Variants in ROR1 observed in about 807,000 individuals in gnomAD.
ROR1 encodes the protein inactive tyrosine-protein kinase transmembrane receptor ROR1.
ROR1 carries 19 observed loss-of-function variants against 78.8 expected under a neutral mutation model. The ratio of observed to expected loss-of-function variants is 0.24; its 90% CI spans 0.17 to 0.35. The LOEUF (loss-of-function observed/expected upper bound fraction) is 0.35. ROR1 is among the 10% of genes least tolerant of loss of function. The pLI is 1.00. For synonymous variants in ROR1, 386 were observed against 433.6 expected (o/e 0.89, Z 1.36); for missense variants, 917 against 1,177.8 (o/e 0.78, Z 3.24).
In ROR1 at chr1:63,910,841, AG is replaced by A. The variant is rs1336855673; in HGVS notation, c.92-98463del. Among the ~76,000 whole-genome samples the A allele has an allele frequency of 1.3e-5, 2 of 152,226 alleles. 1 individual carries two copies. Among genetic ancestry groups the A allele is most frequent in the Non-Finnish European group, 2.9e-5 (2 of 68,048 alleles). On this transcript the variant is annotated intron_variant, in intron 1 of 8. Coordinates refer to ENST00000371079, the MANE Select transcript of ROR1 (RefSeq NM_005012.4). ...TTCAGAACAACAAGGACGTGCATCC[AG>A]CCTTTGTAGTGCAGTGGGTTGAAGA... is the stretch of plus-strand genomic sequence containing the variant.
chr1:63,774,552 C>CCGTG lies in ROR1; in HGVS notation c.91+45_91+48dup. The CCGTG allele has an allele frequency of 1.0e-6, 1 of 990,798 alleles. No homozygotes were observed. Among genetic ancestry groups the CCGTG allele is most frequent in the Non-Finnish European group, 1.2e-6 (1 of 816,816 alleles). The allele number at this position is 990,798 out of a possible 1,614,324, so 61.4% of individuals were successfully genotyped here. On this transcript the variant is annotated intron_variant, in intron 1 of 8. Coordinates refer to ENST00000371079, the MANE Select transcript of ROR1 (RefSeq NM_005012.4). This position sits in a 1 kb window ranked among gnomAD's most constrained non-coding sequence, Gnocchi z 5.7. ...CCCCCGCCCGCCCAGACCCCCTGAC[C>CCGTG]CGTGGCCACCCTTCCGCCGTCCAGC...
intron 1 of ROR1, among the ~76,000 whole-genome samples, chr1:63,858,622 T>G (rs916690110): frequency 5.9e-5 from 9 of 152,222 alleles, no homozygotes; most frequent in African/African-American, 2.2e-4. Flanking sequence ...TACTTTGTAT[T>G]TAAATCTGAT....
intron 1 of ROR1, among the ~76,000 whole-genome samples, chr1:63,818,050 A>T (rs1644902801): frequency 6.6e-6 from 1 of 152,158 alleles, no homozygotes; most frequent in Non-Finnish European, 1.5e-5. Flanking sequence ...ACCCTGTGAG[A>T]TACGTATTAT....
At chr1:63,994,415 T>C (rs1420607380) in intron 1 of ROR1, among the ~76,000 whole-genome samples, 2 of 152,172 alleles carry the variant, frequency 1.3e-5, no homozygotes, top group Non-Finnish European at 2.9e-5. Context: ...TGCTTAGCCT[T>C]CCAATAATGG....
At chr1:63,992,609 A>G (rs1421728704) in intron 1 of ROR1, among the ~76,000 whole-genome samples, 2 of 152,202 alleles carry the variant, frequency 1.3e-5, no homozygotes, top group African/African-American at 4.8e-5. Flanking sequence ...GGTAGTTTAA[A>G]CAGAAGCCAC....
intron 4 of ROR1, among the ~76,000 whole-genome samples, chr1:64,081,790 A>T: frequency 6.6e-6 from 1 of 151,494 alleles, no homozygotes; most frequent in Non-Finnish European, 1.5e-5. Context: ...AAAAGCGGCA[A>T]AATATAACAC....
At chr1:64,130,361 T>C (rs907077428) in intron 4 of ROR1, among the ~76,000 whole-genome samples, 1 of 152,138 alleles carries the variant, frequency 6.6e-6, no homozygotes, top group Non-Finnish European at 1.5e-5. Context: ...GACCGGTCTT[T>C]AGAAAGCAGA....
At position 63,774,984 on chromosome 1, in the gene ROR1, G is replaced by A. The variant is rs561996886; in HGVS notation, c.91+476G>A. Among the ~76,000 whole-genome samples, 31 of 152,184 alleles carry A rather than the reference G, an allele frequency of 2.0e-4. No homozygotes were observed. Among genetic ancestry groups the A allele is most frequent in the African/African-American group, 7.5e-4 (31 of 41,538 alleles). On this transcript the variant is annotated intron_variant, in intron 1 of 8. Coordinates refer to ENST00000371079, the MANE Select transcript of ROR1 (RefSeq NM_005012.4). This position sits in a 1 kb window ranked among gnomAD's most constrained non-coding sequence, Gnocchi z 5.7. ...GCTCGCCAGAGCCCAGGCGGCTCGC[G>A]GATCGACGCAAACAAAAGCCCTGTC... is the stretch of plus-strand genomic sequence containing the variant.
rs559097293 is a variant in ROR1, at chr1:63,928,064, G to C, written c.92-81241G>C. ...TGAGTACCTGCATCCTTGTCCTCAT[G>C]GAAGTCACCAAAACCGTTTGTCAAA... On this transcript the variant is annotated intron_variant, in intron 1 of 8. Transcript: ENST00000371079. Among the ~76,000 whole-genome samples, 65 of 151,778 alleles carry C rather than the reference G, an allele frequency of 4.3e-4. No individual in the cohort carries two copies. The South Asian group carries it at 7.5e-3, about 17-fold the overall frequency.
intron 1 of ROR1, among the ~76,000 whole-genome samples, chr1:63,790,049 C>T (rs921295949): frequency 6.6e-6 from 1 of 152,194 alleles, no homozygotes; most frequent in African/African-American, 2.4e-5. Flanking sequence ...TCAGATGTCA[C>T]ATCCCTGACT....
At chr1:64,014,773 T>TATATATATATATATATATATCTACACAC in intron 2 of ROR1, among the ~76,000 whole-genome samples, 1 of 46,996 alleles carries the variant, frequency 2.1e-5, no homozygotes, top group Non-Finnish European at 4.6e-5. Flanking sequence ...TATATATATA[T>TATATATATATATATATATATCTACACAC]ACACATTTTG....
intron 1 of ROR1, among the ~76,000 whole-genome samples, chr1:63,873,124 T>C (rs984552066): frequency 6.6e-6 from 1 of 152,084 alleles, no homozygotes; most frequent in Non-Finnish European, 1.5e-5. Context: ...GTGAGAGACC[T>C]GCTGTGAACT....
intron 1 of ROR1, among the ~76,000 whole-genome samples, chr1:63,997,453 A>G (rs1169499055): frequency 6.6e-6 from 1 of 152,230 alleles, no homozygotes; most frequent in Non-Finnish European, 1.5e-5. Context: ...GTTAATATTC[A>G]TTGAGCTGTC....
chr1:64,036,390 A>G (rs1007941413), intron 2 of ROR1, among the ~76,000 whole-genome samples: 4 of 152,182 alleles, frequency 2.6e-5, no homozygotes, highest in African/African-American at 9.7e-5. Context: ...TTTTTACTTC[A>G]TTCCCTGGGG....
At chr1:63,793,878 C>T (rs556903912) in intron 1 of ROR1, among the ~76,000 whole-genome samples, 13 of 152,306 alleles carry the variant, frequency 8.5e-5, no homozygotes, top group South Asian at 2.1e-4. Flanking sequence ...CTGCCCTCCC[C>T]GCTGGGGTTG....
At chr1:64,173,664 TTC>T (rs1399744635) in intron 8 of ROR1, among the ~76,000 whole-genome samples, 1 of 152,202 alleles carries the variant, frequency 6.6e-6, no homozygotes, top group Admixed American at 6.5e-5. Flanking sequence ...AAATTAGGCG[TTC>T]TGTTTCCAAA....
chr1:63,903,330 C>A lies in ROR1; in HGVS notation c.92-105975C>A, dbSNP rs182988699. 1.4e-3 allele frequency among the ~76,000 whole-genome samples: 210 copies of A among 152,178 alleles called. 1 individual carries two copies. Among genetic ancestry groups the A allele is most frequent in the Non-Finnish European group, 3.1e-4 (21 of 67,998 alleles). ...AAGTATATTTTCTTTAGTTGAATTT[C>A]GGGTTGGAGTGCCAGGGATATTTCT... On this transcript the variant is annotated intron_variant, in intron 1 of 8. Coordinates refer to ENST00000371079, the MANE Select transcript of ROR1 (RefSeq NM_005012.4).
At chr1:63,839,094 C>T (rs1240139270) in intron 1 of ROR1, among the ~76,000 whole-genome samples, 1 of 152,190 alleles carries the variant, frequency 6.6e-6, no homozygotes, top group Non-Finnish European at 1.5e-5. Flanking sequence ...TTTCTCAGAA[C>T]ATATCTGTTG....
intron 1 of ROR1, among the ~76,000 whole-genome samples, chr1:63,985,889 A>G (rs1044192480): frequency 6.6e-6 from 1 of 152,108 alleles, no homozygotes. Context: ...TCCAAAATCT[A>G]AAACACTTCT....
Sources: gnomAD v4.1 joint callset for allele counts (sites outside exome capture counted in the v4.1 genomes callset) on GRCh38, gnomAD v4.1.1 for gene constraint, Gnocchi (gnomAD v3.1) non-coding constraint, MANE v1.5 for transcripts, NCBI Gene and HGNC (gene_info 2026-07-23, HGNC 2026-07-21) for gene names.